The following UBE2K variants were observed in gnomAD, a reference collection of about 807,000 sequenced individuals.
UBE2K encodes ubiquitin-conjugating enzyme E2 K.
UBE2K carries 6 observed loss-of-function variants against 30.0 expected under a neutral mutation model. That is an observed-to-expected ratio of 0.20 (90% CI 0.11 to 0.39). The LOEUF is 0.39. UBE2K is among the 10% of genes least tolerant of loss of function. The pLI is 1.00. For missense variants in UBE2K, 61 were observed against 241.6 expected (o/e 0.25, Z 4.96); for synonymous variants, 86 against 83.7 (o/e 1.03, Z -0.15).
intron 4 of UBE2K, among the ~76,000 whole-genome samples, chr4:39,765,672 G>A (rs576015869): frequency 4.6e-5 from 7 of 151,602 alleles, no homozygotes; most frequent in Non-Finnish European, 7.4e-5. Context: ...ATACAAAAAC[G>A]TTAGCCAAGT....
intron 1 of UBE2K, among the ~76,000 whole-genome samples, chr4:39,718,627 A>G (rs776693506): frequency 9.9e-5 from 15 of 152,244 alleles, no homozygotes; most frequent in Non-Finnish European, 1.8e-4. Context: ...GGCGGGCTGC[A>G]GGTCCCGAGC....
chr4:39,716,592 A>T (rs1719077419), intron 1 of UBE2K, among the ~76,000 whole-genome samples: 1 of 152,150 alleles, frequency 6.6e-6, no homozygotes, highest in African/African-American at 2.4e-5. Context: ...AACTTGCAAT[A>T]GCTTAAGCCG....
In UBE2K at chr4:39,716,243, T is replaced by C. The variant is rs565256397; in HGVS notation, c.63+17853T>C. Among the ~76,000 whole-genome samples, 31 of 151,942 alleles carry C rather than the reference T, an allele frequency of 2.0e-4. No homozygotes were observed. In the South Asian group the frequency reaches 2.5e-3, roughly 12 times the overall value. ...CAGGTTTTTATATCTCAGGATGGAC[T>C]ATTTATTTATTTGAAACATGGTGTC... On this transcript the variant is annotated intron_variant, in intron 1 of 6. Transcript: ENST00000261427.
intron 1 of UBE2K, among the ~76,000 whole-genome samples, chr4:39,711,733 T>C (rs2109312437): frequency 6.6e-6 from 1 of 152,004 alleles, no homozygotes; most frequent in South Asian, 2.1e-4. Flanking sequence ...TGAATCAATT[T>C]ACATTCCCAC....
intron 3 of UBE2K, among the ~76,000 whole-genome samples, chr4:39,750,953 C>T (rs1480014387): frequency 6.6e-6 from 1 of 152,000 alleles, no homozygotes; most frequent in Non-Finnish European, 1.5e-5. Flanking sequence ...CCTTGTTGCC[C>T]AGGCTGCTCT....
chr4:39,755,868 C>G, intron 4 of UBE2K, 129 bp downstream of exon 4: 2 of 611,026 alleles, frequency 3.3e-6, no homozygotes, highest in Non-Finnish European at 5.5e-6. Flanking sequence ...TTAAAAGTCT[C>G]TTAAGTGCAT....
chr4:39,765,029 G>A (rs542188380), intron 4 of UBE2K, among the ~76,000 whole-genome samples: 82 of 152,134 alleles, frequency 5.4e-4, no homozygotes, highest in African/African-American at 1.9e-3. Flanking sequence ...GTGACTACAG[G>A]CACCTGCCAC....
chr4:39,741,478 G>A (rs936751406), intron 2 of UBE2K, among the ~76,000 whole-genome samples: 9 of 152,096 alleles, frequency 5.9e-5, no homozygotes, highest in African/African-American at 9.7e-5. Context: ...TGTGACGATA[G>A]GTTAAATGTT....
At chr4:39,770,131 C>T (rs528681801) in intron 4 of UBE2K, 5 of 1,595,008 alleles carry the variant, frequency 3.1e-6, no homozygotes, top group South Asian at 1.1e-5. Context: ...AGCACGTTCT[C>T]GGCGGTGGTC....
At position 39,782,134 on chromosome 4, in the gene UBE2K, A is replaced by G. The variant is rs1713651486; in HGVS notation, c.*3700A>G. 1 of 393,954 alleles carries G rather than the reference A, an allele frequency of 2.5e-6. No homozygotes were observed. The highest frequency in any genetic ancestry group is 4.4e-5 in the Admixed American group (1 of 22,604). 24.4% of individuals were successfully genotyped at this position (393,954 alleles called of 1,614,324 possible). A position where few individuals can be genotyped will look rare whatever the true frequency, so the allele number is the denominator to read the frequency against. Reference sequence around the variant, plus strand: ...CACCCTCATGAACTTGCAATCACCTAAATGGAAGTCTTGAATGTGTCACCT... The same window carrying G: ...CACCCTCATGAACTTGCAATCACCTGAATGGAAGTCTTGAATGTGTCACCT... On this transcript the variant is annotated 3_prime_UTR_variant, in exon 7 of 7. Transcript: ENST00000261427.
intron 4 of UBE2K, among the ~76,000 whole-genome samples, chr4:39,768,610 G>A (rs1394828113): frequency 6.6e-6 from 1 of 152,102 alleles, no homozygotes; most frequent in East Asian, 1.9e-4. Context: ...TCAAACCCCT[G>A]GGTTCAAGCG....
At chr4:39,721,526 A>C (rs767159747) in intron 1 of UBE2K, among the ~76,000 whole-genome samples, 2 of 151,296 alleles carry the variant, frequency 1.3e-5, no homozygotes, top group African/African-American at 4.9e-5. Flanking sequence ...GCTAATTTTC[A>C]TATTTTTTTT....
intron 3 of UBE2K, among the ~76,000 whole-genome samples, chr4:39,748,506 AT>A (rs1721092627): frequency 6.6e-6 from 1 of 151,998 alleles, no homozygotes; most frequent in Non-Finnish European, 1.5e-5. Context: ...CTGGCCAGGC[AT>A]GGTGGCTCAC....
chr4:39,778,265 C>A, intron 6 of UBE2K, 95 bp from the exon 7 acceptor site: 2 of 667,534 alleles, frequency 3.0e-6, no homozygotes, highest in Non-Finnish European at 2.4e-6. Flanking sequence ...AGAAAAGAAA[C>A]AAGGTGTTAA....
chr4:39,723,362 C>CTTTTT (rs529806724), intron 1 of UBE2K, among the ~76,000 whole-genome samples: 3 of 108,326 alleles, frequency 2.8e-5, no homozygotes, highest in African/African-American at 3.7e-5. Flanking sequence ...GCTGTCTTCT[C>CTTTTT]TTTTTTTTTT....
At position 39,737,215 on chromosome 4, in the gene UBE2K, G is replaced by A. The variant is rs559834208; in HGVS notation, c.64-205G>A. ...TTGTTGTTCATAGTGGTGTTATTTCGTTTAAAACAATGAAGTTAGAATTTA... is the reference window on the plus strand; with the variant it reads ...TTGTTGTTCATAGTGGTGTTATTTCATTTAAAACAATGAAGTTAGAATTTA... On this transcript the variant is annotated intron_variant, in intron 1 of 6. Coordinates refer to ENST00000261427, the MANE Select transcript of UBE2K (RefSeq NM_005339.5). Among the ~76,000 whole-genome samples, 8 of 152,132 alleles carry A rather than the reference G, an allele frequency of 5.3e-5. No homozygotes were observed. The East Asian group carries it at 9.6e-4, about 18-fold the overall frequency.
Position 39,782,183 on chromosome 4 carries a change from C to A in UBE2K, c.*3749C>A. 2.6e-6 allele frequency: 1 copy of A among 383,234 alleles called. No homozygotes were observed. 23.7% of individuals were successfully genotyped at this position (383,234 alleles called of 1,614,324 possible). On this transcript the variant is annotated 3_prime_UTR_variant, in exon 7 of 7. Coordinates refer to ENST00000261427, the MANE Select transcript of UBE2K (RefSeq NM_005339.5). ...CTTTTGCTTGGTTATTTCAACCATG[C>A]TGCTATATATAATCAGGTGTGGCAC...
intron 3 of UBE2K, among the ~76,000 whole-genome samples, 179 bp from the exon 4 acceptor site, chr4:39,755,478 T>C (rs1721478425): frequency 6.6e-6 from 1 of 152,246 alleles, no homozygotes; most frequent in African/African-American, 2.4e-5. Context: ...CATATGTTAG[T>C]GACAACATTC....
intron 1 of UBE2K, among the ~76,000 whole-genome samples, chr4:39,707,515 G>T (rs1718434931): frequency 6.6e-6 from 1 of 151,004 alleles, no homozygotes; most frequent in African/African-American, 2.4e-5. Flanking sequence ...GACTGTATGA[G>T]GGAGGTTCTT....
Sources: allele counts gnomAD v4.1 joint callset (sites outside exome capture counted in the v4.1 genomes callset), GRCh38; gene constraint gnomAD v4.1.1; transcripts MANE v1.5; gene names NCBI Gene and HGNC (gene_info 2026-07-23, HGNC 2026-07-21).